The following KPNA1 variants were observed in gnomAD, a reference collection of about 807,000 sequenced individuals.
KPNA1 encodes karyopherin subunit alpha 1.
KPNA1 carries 10 observed loss-of-function variants against 70.5 expected under a neutral mutation model. The ratio of observed to expected loss-of-function variants is 0.14; its 90% confidence interval spans 0.09 to 0.24. The LOEUF is 0.24. KPNA1 is among the 10% of genes least tolerant of loss of function. The pLI is 1.00. For missense variants in KPNA1, 397 were observed against 637.9 expected, an observed-to-expected ratio of 0.62 and a Z score of 4.07; for synonymous variants, 192 against 221.9, an observed-to-expected ratio of 0.87 and a Z score of 1.20.
At chr3:122,489,799 G>A (rs368506985) in intron 2 of KPNA1, among the ~76,000 whole-genome samples, 1 of 151,992 alleles carries the variant, frequency 6.6e-6, no homozygotes, top group African/African-American at 2.4e-5. Context: ...GGATATTTTC[G>A]TATTCCTATA....
At position 122,426,868 on chromosome 3, in the gene KPNA1, G is replaced by A. The variant is rs1019091675; in HGVS notation, c.*117C>T. The stretch of plus-strand genomic sequence containing the variant: ...AGGTGCGCAAGGCAAGCAAATGAGC[G>A]CAAACAGTATTATGGAAAACATTTG... On this transcript the variant is annotated 3_prime_UTR_variant, in exon 14 of 14. Transcript: ENST00000344337. 14 of 770,238 alleles carry A rather than the reference G, an allele frequency of 1.8e-5. No individual in the cohort carries two copies. The highest frequency in any genetic ancestry group is 3.5e-5 in the African/African-American group (2 of 57,262). 47.7% of individuals were successfully genotyped at this position (770,238 alleles called of 1,614,324 possible).
intron 2 of KPNA1, among the ~76,000 whole-genome samples, chr3:122,474,000 A>G (rs1180235303): frequency 1.3e-5 from 2 of 152,242 alleles, no homozygotes; most frequent in Non-Finnish European, 2.9e-5. Context: ...AAGCAATTAT[A>G]GCAAGGTTAC....
chr3:122,430,451 TAAAGTC>T (rs756137042), intron 12 of KPNA1, among the ~76,000 whole-genome samples: 22 of 151,888 alleles, frequency 1.4e-4, no homozygotes, highest in African/African-American at 4.6e-4. Context: ...ATGTTTCTCT[TAAAGTC>T]AAAGTTTCCT....
chr3:122,467,006 C>CATAAATAAATAAATAAATAA (rs71136571), intron 3 of KPNA1, among the ~76,000 whole-genome samples: 1 of 141,956 alleles, frequency 7.0e-6, no homozygotes, highest in Non-Finnish European at 1.5e-5. Flanking sequence ...GTCTCTAAAA[C>CATAAATAAATAAATAAATAA]ATAAATAAAT....
chr3:122,449,379 A>T (rs1172661570), intron 9 of KPNA1, among the ~76,000 whole-genome samples, 195 bp downstream of exon 9: 1 of 152,248 alleles, frequency 6.6e-6, no homozygotes, highest in African/African-American at 2.4e-5. Context: ...ACAGCAGAGG[A>T]CTAAGAGGTT....
intron 5 of KPNA1, chr3:122,460,488 T>C (rs2076311805): frequency 4.3e-6 from 1 of 231,470 alleles, no homozygotes; most frequent in Non-Finnish European, 7.1e-6. Context: ...AATAAAAGAA[T>C]TAGCTGGATA....
intron 2 of KPNA1, among the ~76,000 whole-genome samples, chr3:122,490,186 C>T (rs1441093673): frequency 6.6e-6 from 1 of 152,248 alleles, no homozygotes; most frequent in Non-Finnish European, 1.5e-5. Context: ...ATATACAGGT[C>T]TCTCTTCTTT....
chr3:122,453,014 T>G (rs993691835), intron 6 of KPNA1, among the ~76,000 whole-genome samples: 1 of 152,090 alleles, frequency 6.6e-6, no homozygotes, highest in African/African-American at 2.4e-5. Context: ...TGGTGTGATA[T>G]CGGCTCACTG....
chr3:122,478,889 C>T (rs1428631982), intron 2 of KPNA1, among the ~76,000 whole-genome samples: 1 of 73,320 alleles, frequency 1.4e-5, no homozygotes, highest in East Asian at 4.2e-4. Context: ...AGCAAAACCT[C>T]GTCTCAAAAA....
chr3:122,471,175 G>C (rs555291499), intron 2 of KPNA1, among the ~76,000 whole-genome samples: 36 of 152,284 alleles, frequency 2.4e-4, no homozygotes, highest in Middle Eastern at 3.4e-3. Flanking sequence ...TGCATACAAT[G>C]CAGGGGTGAG....
At chr3:122,434,747 T>G (rs2075962689) in intron 11 of KPNA1, among the ~76,000 whole-genome samples, 1 of 152,184 alleles carries the variant, frequency 6.6e-6, no homozygotes, top group Non-Finnish European at 1.5e-5. Context: ...TAAAGTAGCC[T>G]TCCCAAAATT....
At chr3:122,449,806 G>C (rs1249177225) in intron 8 of KPNA1, 69 bp from the exon 9 acceptor site, 1 of 1,302,084 alleles carries the variant, frequency 7.7e-7, no homozygotes, top group Non-Finnish European at 1.1e-6. Context: ...AGATACTCAA[G>C]AAGGCAACCA....
At chr3:122,475,051 AG>A (rs1462730263) in intron 2 of KPNA1, among the ~76,000 whole-genome samples, 2 of 152,214 alleles carry the variant, frequency 1.3e-5, no homozygotes, top group Admixed American at 1.3e-4. Flanking sequence ...TAAATTAAAA[AG>A]GAAGAAATGA....
intron 1 of KPNA1, among the ~76,000 whole-genome samples, chr3:122,496,825 T>G (rs60832123): frequency 6.6e-6 from 1 of 152,184 alleles, no homozygotes; most frequent in Non-Finnish European, 1.5e-5. Context: ...CACTTCAGTT[T>G]CCTGAGTAGC....
At chr3:122,485,241 G>C (rs561991078) in intron 2 of KPNA1, among the ~76,000 whole-genome samples, 1 of 152,146 alleles carries the variant, frequency 6.6e-6, no homozygotes, top group African/African-American at 2.4e-5. Context: ...AGAAAAAGTT[G>C]GAGCTCTAAC....
At position 122,430,559 on chromosome 3, in the gene KPNA1, C is replaced by CTGTG. The variant is rs113921259; in HGVS notation, c.1251-2847_1251-2844dup. ...GTGTGTGTGTGGTTTCTCAAATAAACTGTGTGTGTGTGTGTGTGTGTGGTT... is the reference window on the plus strand; with the variant it reads ...GTGTGTGTGTGGTTTCTCAAATAAACTGTGTGTGTGTGTGTGTGTGTGTGTGGTT... On this transcript the variant is annotated intron_variant, in intron 12 of 13. Coordinates refer to ENST00000344337, the MANE Select transcript of KPNA1 (RefSeq NM_002264.4). Among the ~76,000 whole-genome samples the CTGTG allele has an allele frequency of 2.0e-3, 289 of 145,038 alleles. 2 individuals are homozygous for CTGTG. Among genetic ancestry groups the CTGTG allele is most frequent in the East Asian group, 3.4e-3 (17 of 4,962 alleles).
chr3:122,433,513 T>C (rs1178652900), intron 12 of KPNA1, 148 bp downstream of exon 12: 3 of 572,422 alleles, frequency 5.2e-6, no homozygotes, highest in African/African-American at 1.9e-5. Context: ...GAACTAAACA[T>C]TCTTATTTGG....
At chr3:122,507,440 C>CAA (rs11406672) in intron 1 of KPNA1, among the ~76,000 whole-genome samples, 27,963 of 112,898 alleles carry the variant, frequency 0.25, 3,407 homozygotes, top group Non-Finnish European at 0.29. Flanking sequence ...GACTCCATCT[C>CAA]AAAAAAAAAA....
At chr3:122,469,306 C>A (rs1030805371) in intron 2 of KPNA1, among the ~76,000 whole-genome samples, 1 of 152,028 alleles carries the variant, frequency 6.6e-6, no homozygotes, top group East Asian at 1.9e-4. Context: ...TCTGAAAGAA[C>A]TCCCCAAACC....
Sources: gnomAD v4.1 joint callset for allele counts (sites outside exome capture counted in the v4.1 genomes callset) on GRCh38, gnomAD v4.1.1 for gene constraint, MANE v1.5 for transcripts, NCBI Gene and HGNC (gene_info 2026-07-23, HGNC 2026-07-21) for gene names.